SNX25: variants seen among roughly 807,000 people sequenced by gnomAD.
SNX25 encodes the protein sorting nexin 25.
SNX25 carries 62 observed loss-of-function variants against 113.7 expected under a neutral mutation model. The ratio of observed to expected loss-of-function variants is 0.55; its 90% CI spans 0.44 to 0.67. SNX25 has a LOEUF of 0.67. Among genes scored for constraint, SNX25 ranks in the 30% least tolerant of loss-of-function variants. SNX25 has a pLI of 0.00. For synonymous variants in SNX25, 421 were observed against 436.2 expected, an observed-to-expected ratio of 0.97 and a Z score of 0.43; for missense variants, 1,014 against 1,161.0, an observed-to-expected ratio of 0.87 and a Z score of 1.84.
At chr4:185,316,926 CTAAA>C (rs1206238222) in intron 7 of SNX25, among the ~76,000 whole-genome samples, 2 of 152,162 alleles carry the variant, frequency 1.3e-5, no homozygotes, top group African/African-American at 2.4e-5. Flanking sequence ...AGTAAACTAA[CTAAA>C]TATTATTGGT....
chr4:185,226,035 A>G lies in SNX25; in HGVS notation c.429+15780A>G, dbSNP rs112127862. ...TTCAGAGGTCTCAGAATGAACTTGA[A>G]TGATGTCACAGCTGTCCCTTCTGTG... On this transcript the variant is annotated intron_variant, in intron 1 of 18. Coordinates refer to ENST00000652585, the MANE Select transcript of SNX25 (RefSeq NM_001378034.2). Among the ~76,000 whole-genome samples the G allele has an allele frequency of 7.5e-3, 1,138 of 152,278 alleles. 16 individuals carry two copies. Among genetic ancestry groups the G allele is most frequent in the African/African-American group, 0.026 (1,065 of 41,562 alleles).
chr4:185,321,388 G>A lies in SNX25; in HGVS notation c.1476+524G>A, dbSNP rs115496708. Among the ~76,000 whole-genome samples, 393 of 150,974 alleles carry A rather than the reference G, an allele frequency of 2.6e-3. 1 individual carries two copies. The highest frequency in any genetic ancestry group is 3.0e-3 in the Non-Finnish European group (206 of 67,856). Reference sequence around the variant, plus strand: ...AGCGGTTCTCCTCCCTCACACTCCCGAGTAGCTGGGATTACAGGTGTGTGC... The same window carrying A: ...AGCGGTTCTCCTCCCTCACACTCCCAAGTAGCTGGGATTACAGGTGTGTGC... On this transcript the variant is annotated intron_variant, in intron 8 of 18. Coordinates refer to ENST00000652585, the MANE Select transcript of SNX25 (RefSeq NM_001378034.2).
At chr4:185,360,712 G>A (rs1355080031) in intron 16 of SNX25, among the ~76,000 whole-genome samples, 1 of 151,992 alleles carries the variant, frequency 6.6e-6, no homozygotes, top group Non-Finnish European at 1.5e-5. Flanking sequence ...ACTTTGGGAG[G>A]CCGAGGTGGG....
At chr4:185,251,639 C>A (rs13106074) in intron 2 of SNX25, among the ~76,000 whole-genome samples, 51,644 of 139,796 alleles carry the variant, frequency 0.37, 10,648 homozygotes, top group East Asian at 0.59. Context: ...GTGTGTGTGC[C>A]ACATTTTGTT....
chr4:185,311,892 AG>A (rs2095033993), intron 7 of SNX25, among the ~76,000 whole-genome samples: 1 of 152,200 alleles, frequency 6.6e-6, no homozygotes. Flanking sequence ...TGCAGCTCCA[AG>A]GAACTCTTGT....
At chr4:185,246,656 T>C (rs1213404927) in intron 1 of SNX25, among the ~76,000 whole-genome samples, 1 of 152,214 alleles carries the variant, frequency 6.6e-6, no homozygotes, top group Non-Finnish European at 1.5e-5. Context: ...TAGTCTATCA[T>C]TTACATTTCG....
At chr4:185,349,508 G>A (rs564943177) in intron 13 of SNX25, among the ~76,000 whole-genome samples, 1 of 152,008 alleles carries the variant, frequency 6.6e-6, no homozygotes, top group African/African-American at 2.4e-5. Flanking sequence ...CATAATGACT[G>A]TACTAATTTA....
At chr4:185,315,990 C>T (rs1475802467) in intron 7 of SNX25, among the ~76,000 whole-genome samples, 1 of 152,078 alleles carries the variant, frequency 6.6e-6, no homozygotes, top group African/African-American at 2.4e-5. Flanking sequence ...TTAAAGTGTA[C>T]AATATGATAA....
downstream of SNX25, chr4:185,365,690 A>AATAAT (rs1554015801): frequency 1.4e-5 from 2 of 144,272 alleles, no homozygotes; most frequent in African/African-American, 5.2e-5. Context: ...AAAAAAAAAA[A>AATAAT]AATAATAATA....
At chr4:185,249,813 T>G (rs2126493512) in intron 2 of SNX25, among the ~76,000 whole-genome samples, 1 of 152,350 alleles carries the variant, frequency 6.6e-6, no homozygotes, top group East Asian at 1.9e-4. Context: ...CAATGTTTGC[T>G]TTTCTGCTGA....
intron 1 of SNX25, among the ~76,000 whole-genome samples, chr4:185,233,382 G>A (rs750475312): frequency 6.6e-6 from 1 of 152,154 alleles, no homozygotes; most frequent in African/African-American, 2.4e-5. Flanking sequence ...GGCACCCAGA[G>A]TGAGTCCTCA....
chr4:185,232,328 T>C lies in SNX25; in HGVS notation c.430-14966T>C, dbSNP rs1741995568. 6.6e-6 allele frequency among the ~76,000 whole-genome samples: 1 copy of C among 152,172 alleles called. No individual in the cohort carries two copies. Among genetic ancestry groups the C allele is most frequent in the Non-Finnish European group, 1.5e-5 (1 of 68,028 alleles). On this transcript the variant is annotated intron_variant, in intron 1 of 18. Transcript: ENST00000652585. The surrounding 1 kb of genome is among the most constrained non-coding windows in gnomAD (Gnocchi z 4.4). ...ATCTTCCCGGACATCGCCTAAGTTTTATTATCCCCCTTATAAGGTTATACC... is the reference window on the plus strand; with the variant it reads ...ATCTTCCCGGACATCGCCTAAGTTTCATTATCCCCCTTATAAGGTTATACC...
At chr4:185,319,672 C>A (rs2095105063) in intron 7 of SNX25, among the ~76,000 whole-genome samples, 1 of 152,134 alleles carries the variant, frequency 6.6e-6, no homozygotes, top group Non-Finnish European at 1.5e-5. Flanking sequence ...CTGATTGAGA[C>A]CTGTCTCAGA....
intron 17 of SNX25, 104 bp downstream of exon 17, chr4:185,362,209 G>C: frequency 7.9e-7 from 1 of 1,261,408 alleles, no homozygotes; most frequent in Non-Finnish European, 1.0e-6. Flanking sequence ...TCTTTACAAT[G>C]AAAAAAAAAA....
At position 185,274,999 on chromosome 4, in the gene SNX25, A is replaced by G. The variant is rs116863467; in HGVS notation, c.1091+7844A>G. Among the ~76,000 whole-genome samples the G allele has an allele frequency of 4.9e-4, 74 of 152,286 alleles. No homozygotes were observed. In the East Asian group the frequency reaches 0.012, roughly 25 times the overall value. ...CTCTAACTTTTGGGGGTTTTCTTCAAGTGTGGAGATAACCCTTTACTGTTT... is the reference window on the plus strand; with the variant it reads ...CTCTAACTTTTGGGGGTTTTCTTCAGGTGTGGAGATAACCCTTTACTGTTT... On this transcript the variant is annotated intron_variant, in intron 5 of 18. Coordinates refer to ENST00000652585, the MANE Select transcript of SNX25 (RefSeq NM_001378034.2).
intron 1 of SNX25, among the ~76,000 whole-genome samples, chr4:185,235,907 G>A (rs572558852): frequency 5.3e-5 from 8 of 152,238 alleles, no homozygotes; most frequent in African/African-American, 1.9e-4. Flanking sequence ...GTGTGGCTAG[G>A]GGCCGAAGAG....
chr4:185,373,197 A>G (rs1207434752), downstream of SNX25: 9 of 955,610 alleles, frequency 9.4e-6, no homozygotes, highest in Non-Finnish European at 1.2e-5. Context: ...ATCTCTAGGA[A>G]AGAGCGGTAG....
rs998084233 is a variant in SNX25, at chr4:185,346,632, A to G, written c.2283A>G (p.Gln761=). Residue 761 remains glutamine (Q), a synonymous_variant, in exon 13 of 19, where the codon CAA becomes CAG. Transcript: ENST00000652585. ...AGTTTATGGAAAAGTCGAAGAATCAATTAAATAAGTTTTTACAGGTAAGCA... is the reference window on the plus strand; with the variant it reads ...AGTTTATGGAAAAGTCGAAGAATCAGTTAAATAAGTTTTTACAGGTAAGCA... ...DQKFMEKSKN[Q]LNKFLQNLLS... 5.1e-6 allele frequency: 8 copies of G among 1,581,040 alleles called. No homozygotes were observed. The highest frequency in any genetic ancestry group is 4.6e-5 in the East Asian group (2 of 43,762).
At chr4:185,331,837 C>G (rs1348604357) in intron 9 of SNX25, among the ~76,000 whole-genome samples, 1 of 152,158 alleles carries the variant, frequency 6.6e-6, no homozygotes, top group Non-Finnish European at 1.5e-5. Context: ...ACCATTGGTA[C>G]TTTATTTTTC....
Sources: allele counts gnomAD v4.1 joint callset (sites outside exome capture counted in the v4.1 genomes callset), GRCh38; gene constraint gnomAD v4.1.1; non-coding constraint Gnocchi (gnomAD v3.1); transcripts MANE v1.5; gene names NCBI Gene and HGNC (gene_info 2026-07-23, HGNC 2026-07-21).